The following GRIN3B variants were observed in gnomAD, a reference collection of about 807,000 sequenced individuals.
The protein encoded by GRIN3B is glutamate ionotropic receptor NMDA type subunit 3B.
In GRIN3B, 77 loss-of-function variants were observed where a neutral mutation model predicts 66.0. The ratio of observed to expected loss-of-function variants is 1.17; its 90% CI spans 0.97 to 1.41. The LOEUF (loss-of-function observed/expected upper bound fraction) is 1.41. Among genes scored for constraint, GRIN3B ranks in the 40% most tolerant of loss-of-function variants. The pLI is 0.00. For synonymous variants in GRIN3B, 823 were observed against 749.7 expected (o/e 1.10, Z -1.60); for missense variants, 1,787 against 1,564.5 (o/e 1.14, Z -2.40).
rs763962722 is a variant in GRIN3B, at chr19:1,009,183, G to A, written c.2713G>A (p.Val905Met). 24 of 1,473,928 alleles carry A rather than the reference G, an allele frequency of 1.6e-5. No individual in the cohort carries two copies. The highest frequency in any genetic ancestry group is 2.3e-4 in the Middle Eastern group (1 of 4,310). 91.3% of individuals were successfully genotyped at this position (1,473,928 alleles called of 1,614,324 possible). ...TAEAEPSGPE[V>M]EQQQQQQDQP... ...CGGTTCCGTCCCCAGCGGCCCCGAG[G>A]TGGAGCAGCAGCAGCAGCAGCAGGA... Residue 905 changes from valine to methionine, a missense_variant, in exon 9 of 9, where the codon GTG becomes ATG. Coordinates refer to ENST00000234389, the MANE Select transcript of GRIN3B (RefSeq NM_138690.3).
rs771883513 is a variant in GRIN3B at position 1,003,518 on chromosome 19, C to T, written c.815C>T (p.Ala272Val). The T allele has an allele frequency of 3.8e-5, 58 of 1,531,572 alleles. 1 individual carries two copies. Among genetic ancestry groups the T allele is most frequent in the South Asian group, 3.6e-4 (30 of 83,730 alleles). The allele number at this position is 1,531,572 out of a possible 1,614,324, so 94.9% of individuals were successfully genotyped here. ...CTGCCGCCCAAGGCCCTGCCCACCG[C>T]GGGGCTGCCACCAGGGCTGCTGGCG... ...TPLPPKALPT[A>V]GLPPGLLALG... is the part of the protein sequence containing the mutation. The change falls in exon 2 of 9, where the codon GCG (alanine) becomes GTG (valine). Residue 272 changes from alanine (A) to valine (V), a missense_variant. Transcript: ENST00000234389.
intron 1 of GRIN3B, chr19:1,002,104 G>A (rs1196962045): frequency 2.0e-5 from 3 of 152,314 alleles, no homozygotes; most frequent in Admixed American, 2.0e-4. Context: ...CAAGGTGGGA[G>A]GACAGCTTGA....
chr19:1,007,739 G>GCGCCCACCA lies in GRIN3B; in HGVS notation c.2170_2178dup (p.Thr724_Pro726dup). On this transcript the variant is annotated inframe_insertion, in exon 4 of 9. Transcript: ENST00000234389. The surrounding 1 kb of genome is among the most constrained non-coding windows in gnomAD (Gnocchi z 4.4). ...GCACGCACACATGCGGCGCCACAGCGCGCCCACCACGCCCCGCGGCGTCGC... is the reference window on the plus strand; with the variant it reads ...GCACGCACACATGCGGCGCCACAGCGCGCCCACCACGCCCACCACGCCCCGCGGCGTCGC... The GCGCCCACCA allele has an allele frequency of 6.6e-7, 1 of 1,523,466 alleles. No homozygotes were observed. Among genetic ancestry groups the GCGCCCACCA allele is most frequent in the East Asian group, 2.6e-5 (1 of 38,068 alleles). 94.4% of individuals were successfully genotyped at this position (1,523,466 alleles called of 1,614,324 possible).
At chr19:1,002,314 T>G in intron 1 of GRIN3B, among the ~76,000 whole-genome samples, 1 of 134,630 alleles carries the variant, frequency 7.4e-6, no homozygotes. Flanking sequence ...GGTCAGGAGA[T>G]CGAGACCATC....
In GRIN3B at chr19:1,000,704, C is replaced by G. The variant is rs1273162137; in HGVS notation, c.267C>G (p.Arg89=). Reference sequence around the variant, plus strand: ...CCCGCGACCCCGCCTCGCTGACCCGCGGCCTGTGCCAGGCGCTGGTGCCTC... The same window carrying G: ...CCCGCGACCCCGCCTCGCTGACCCGGGGCCTGTGCCAGGCGCTGGTGCCTC... The part of the protein sequence containing the change: ...PPARDPASLT[R]GLCQALVPPG... Residue 89 remains arginine, a synonymous_variant, in exon 1 of 9, where the codon CGC becomes CGG. Coordinates refer to ENST00000234389, the MANE Select transcript of GRIN3B (RefSeq NM_138690.3). 1.4e-6 allele frequency: 2 copies of G among 1,403,596 alleles called. No individual in the cohort carries two copies. Among genetic ancestry groups the G allele is most frequent in the Non-Finnish European group, 9.3e-7 (1 of 1,078,360 alleles). The allele number at this position is 1,403,596 out of a possible 1,614,324, so 86.9% of individuals were successfully genotyped here.
intron 5 of GRIN3B, 51 bp from the exon 6 acceptor site, chr19:1,008,089 T>A (rs773735063): frequency 1.9e-6 from 3 of 1,565,212 alleles, no homozygotes; most frequent in East Asian, 4.7e-5. Flanking sequence ...GCGGGCAGAG[T>A]TCCCCTGGGG....
chr19:1,002,022 C>A (rs113680097), intron 1 of GRIN3B: 2,799 of 152,346 alleles, frequency 0.018, 49 homozygotes, highest in Middle Eastern at 0.096. Flanking sequence ...GCTCTCCCAC[C>A]TTTAATATAC....
chr19:1,004,510 C>A lies in GRIN3B; in HGVS notation c.1020-11C>A. The A allele has an allele frequency of 1.9e-6, 3 of 1,570,680 alleles. No homozygotes were observed. Among genetic ancestry groups the A allele is most frequent in the South Asian group, 1.2e-5 (1 of 86,160 alleles). On this transcript the variant is annotated splice_polypyrimidine_tract_variant and intron_variant, in intron 2 of 8. Transcript: ENST00000234389. The stretch of plus-strand genomic sequence containing the variant: ...CTTCGACACCTGACACCCCCCCCGC[C>A]CTGCCCCTAGGTTCCTGGCCAACAC...
rs1599457647 is a variant in GRIN3B, at chr19:1,004,942, A to G, written c.1441A>G (p.Ile481Val). The part of the protein sequence containing the change: ...ALRKCCYGYC[I>V]DLLERLAEDT... ...GCGCAAGTGCTGCTACGGCTACTGCATTGACCTGCTGGAGCGGCTGGCGGA... is the reference window on the plus strand; with the variant it reads ...GCGCAAGTGCTGCTACGGCTACTGCGTTGACCTGCTGGAGCGGCTGGCGGA... Residue 481 changes from isoleucine (I) to valine (V), a missense_variant, in exon 3 of 9, where the codon ATT (isoleucine) becomes GTT (valine). By Grantham distance (29) the Ile-to-Val change is conservative. Coordinates refer to ENST00000234389, the MANE Select transcript of GRIN3B (RefSeq NM_138690.3). 2.5e-6 allele frequency: 4 copies of G among 1,612,092 alleles called. No homozygotes were observed. In the Admixed American group the frequency reaches 5.0e-5, roughly 20 times the overall value.
In GRIN3B at chr19:1,009,270, G is replaced by C; in HGVS notation, c.2800G>C (p.Val934Leu). 1.4e-6 allele frequency: 2 copies of C among 1,419,864 alleles called. No individual in the cohort carries two copies. Among genetic ancestry groups the C allele is most frequent in the Non-Finnish European group, 1.8e-6 (2 of 1,098,078 alleles). 88.0% of individuals were successfully genotyped at this position (1,419,864 alleles called of 1,614,324 possible). A position where few individuals can be genotyped will look rare whatever the true frequency, so the allele number is the denominator to read the frequency against. The change falls in exon 9 of 9, where the codon GTG becomes CTG. Residue 934 changes from valine (V) to leucine (L), a missense_variant. Transcript: ENST00000234389. ...CCGGGCCGTGGACAAGGAGCGCCGC[G>C]TGCGCTTCCTGCTGGAGCCCGCCGT... ...ARRAVDKERRVRFLLEPAVVV... is the reference protein window; with the variant it reads ...ARRAVDKERRLRFLLEPAVVV...
chr19:1,003,782 A>C, intron 2 of GRIN3B, 60 bp downstream of exon 2: 1 of 1,268,136 alleles, frequency 7.9e-7, no homozygotes, highest in Non-Finnish European at 1.0e-6. Flanking sequence ...TGCACTGCTC[A>C]TGGATCACAA....
chr19:1,006,183 C>G (rs1222354041), intron 3 of GRIN3B, among the ~76,000 whole-genome samples: 1 of 151,762 alleles, frequency 6.6e-6, no homozygotes, highest in Non-Finnish European at 1.5e-5. Flanking sequence ...CAGTCTTGCT[C>G]CATCGCCCAG....
chr19:1,008,934 G>A lies in GRIN3B; in HGVS notation c.2702+7G>A, dbSNP rs1285127551. On this transcript the variant is annotated splice_region_variant and intron_variant, in intron 8 of 8. Coordinates refer to ENST00000234389, the MANE Select transcript of GRIN3B (RefSeq NM_138690.3). ...CGGCAGAGGCGGAGCCCAGGTAAGT[G>A]GTGGTCGGGGCGGACCACGATGCAG... 1 of 1,601,748 alleles carries A rather than the reference G, an allele frequency of 6.2e-7. No individual in the cohort carries two copies. Among genetic ancestry groups the A allele is most frequent in the South Asian group, 1.1e-5 (1 of 89,484 alleles).
chr19:1,006,744 G>A (rs921359997), intron 3 of GRIN3B, among the ~76,000 whole-genome samples: 11 of 152,286 alleles, frequency 7.2e-5, no homozygotes, highest in African/African-American at 1.2e-4. Context: ...GTAGTAAAGC[G>A]TAGACGCCAT....
At chr19:1,006,986 C>T (rs1418054039) in intron 3 of GRIN3B, among the ~76,000 whole-genome samples, 1 of 152,198 alleles carries the variant, frequency 6.6e-6, no homozygotes, top group Non-Finnish European at 1.5e-5. Flanking sequence ...CACCAGGTTG[C>T]CCTGGCAGCT....
In GRIN3B at chr19:1,007,879, CCTT is replaced by C; in HGVS notation, c.2224_2226del (p.Phe742del). 2 of 1,611,500 alleles carry C rather than the reference CCTT, an allele frequency of 1.2e-6. No individual in the cohort carries two copies. The highest frequency in any genetic ancestry group is 1.7e-6 in the Non-Finnish European group (2 of 1,179,296). On this transcript the variant is annotated inframe_deletion, in exon 5 of 9. Transcript: ENST00000234389. This position sits in a 1 kb window ranked among gnomAD's most constrained non-coding sequence, Gnocchi z 4.4. Reference sequence around the variant, plus strand: ...AGGAGCGACCCCCCCAAGCTCAACGCCTTCATCATGGACAAGTCGCTCCTGGAC... The same window carrying C: ...AGGAGCGACCCCCCCAAGCTCAACGCCATCATGGACAAGTCGCTCCTGGAC...
rs746787377 is a variant in GRIN3B at position 1,005,242 on chromosome 19, G to T, written c.1741G>T (p.Val581Phe). 3 of 1,613,366 alleles carry T rather than the reference G, an allele frequency of 1.9e-6. No individual in the cohort carries two copies. Among genetic ancestry groups the T allele is most frequent in the Non-Finnish European group, 2.5e-6 (3 of 1,179,894 alleles). ...CCTGCACTGGTCCACGTGGCTGGGCGTCTTTGCGGCCCTGCACCTCACCGC... is the reference window on the plus strand; with the variant it reads ...CCTGCACTGGTCCACGTGGCTGGGCTTCTTTGCGGCCCTGCACCTCACCGC... ...WPLHWSTWLG[V>F]FAALHLTALF... Residue 581 changes from valine to phenylalanine, a missense_variant, in exon 3 of 9, where the codon GTC (valine) becomes TTC (phenylalanine). By Grantham distance (50) the Val-to-Phe change is conservative. Transcript: ENST00000234389. The surrounding 1 kb of genome is among the most constrained non-coding windows in gnomAD (Gnocchi z 5.2).
rs1226671963 is a variant in GRIN3B, at chr19:1,009,225, G to A, written c.2755G>A (p.Glu919Lys). The A allele has an allele frequency of 6.8e-6, 10 of 1,466,100 alleles. No homozygotes were observed. The allele number at this position is 1,466,100 out of a possible 1,614,324, so 90.8% of individuals were successfully genotyped here. A position where few individuals can be genotyped will look rare whatever the true frequency, so the allele number is the denominator to read the frequency against. Residue 919 changes from glutamate (E) to lysine (K), a missense_variant, in exon 9 of 9, where the codon GAG becomes AAG. Glu to Lys is a moderately conservative substitution (Grantham distance 56). Transcript: ENST00000234389. ...QQQQDQPTAP[E>K]GWKRARRAVD... ...GCAGCAGGACCAGCCAACGGCTCCGGAGGGCTGGAAACGGGCGCGCCGGGC... is the reference window on the plus strand; with the variant it reads ...GCAGCAGGACCAGCCAACGGCTCCGAAGGGCTGGAAACGGGCGCGCCGGGC...
rs772782669 is a variant in GRIN3B, at chr19:1,008,851, T to C, written c.2632-6T>C. The C allele has an allele frequency of 1.9e-6, 3 of 1,563,008 alleles. No homozygotes were observed. The East Asian group carries it at 7.3e-5, about 38-fold the overall frequency. ...CCTCGCCAACCGGGTCTGTCTGGGG[T>C]CTTAGAAAATCCACCGCGCCCTCAA... On this transcript the variant is annotated splice_region_variant and splice_polypyrimidine_tract_variant and intron_variant, in intron 7 of 8. Coordinates refer to ENST00000234389, the MANE Select transcript of GRIN3B (RefSeq NM_138690.3).
Sources: allele counts gnomAD v4.1 joint callset (sites outside exome capture counted in the v4.1 genomes callset), GRCh38; gene constraint gnomAD v4.1.1; non-coding constraint Gnocchi (gnomAD v3.1); transcripts MANE v1.5; gene names NCBI Gene and HGNC (gene_info 2026-07-23, HGNC 2026-07-21).